The following CPT1A variants were observed in gnomAD, a reference collection of about 807,000 sequenced individuals.
The protein encoded by CPT1A is carnitine palmitoyltransferase 1A, also known as carnitine O-palmitoyltransferase 1, liver isoform.
CPT1A carries 64 observed loss-of-function variants against 100.8 expected under a neutral mutation model. The observed-to-expected ratio is 0.63, with a 90% CI of 0.52 to 0.78. CPT1A has a LOEUF of 0.78. CPT1A is among the 30% of genes least tolerant of loss of function. The probability of loss-of-function intolerance (pLI) is 0.00; values close to 1 mark genes in which losing one functional copy is unlikely to be tolerated. For synonymous variants in CPT1A, 363 were observed against 396.0 expected (o/e 0.92, Z 0.99); for missense variants, 802 against 1,034.1 (o/e 0.78, Z 3.08).
intron 14 of CPT1A, among the ~76,000 whole-genome samples, chr11:68,770,394 T>G (rs1055908532): frequency 4.6e-5 from 7 of 152,222 alleles, no homozygotes; most frequent in African/African-American, 1.7e-4. Flanking sequence ...TTCCATCTCC[T>G]GAACAGACAT....
chr11:68,826,831 C>T (rs939332376), intron 1 of CPT1A, among the ~76,000 whole-genome samples: 4 of 152,130 alleles, frequency 2.6e-5, no homozygotes, highest in Non-Finnish European at 4.4e-5. Context: ...ATCGGGTCTG[C>T]GGCCTCACCA....
chr11:68,815,512 AC>A (rs771767414), intron 1 of CPT1A, 25 bp from the exon 2 acceptor site: 1 of 1,612,000 alleles, frequency 6.2e-7, no homozygotes, highest in South Asian at 1.1e-5. Context: ...AGAAAATGTA[AC>A]ACAGTGGAAC....
chr11:68,840,140 C>T (rs1376114746), intron 1 of CPT1A, among the ~76,000 whole-genome samples: 1 of 152,180 alleles, frequency 6.6e-6, no homozygotes, highest in African/African-American at 2.4e-5. Flanking sequence ...AAAACCAATC[C>T]AAAGAACCAG....
chr11:68,801,339 G>C (rs919772667), intron 5 of CPT1A, among the ~76,000 whole-genome samples: 2 of 152,078 alleles, frequency 1.3e-5, no homozygotes, highest in African/African-American at 4.8e-5. Flanking sequence ...GAAGAGGAGA[G>C]ATGGGGTGGG....
chr11:68,839,831 C>A (rs1426020341), intron 1 of CPT1A: 3 of 402,384 alleles, frequency 7.5e-6, no homozygotes, highest in Non-Finnish European at 1.0e-5. Context: ...GGTCCGGGGC[C>A]GGGGCCAAAC....
intron 4 of CPT1A, among the ~76,000 whole-genome samples, chr11:68,806,018 ATT>A (rs539379303): frequency 5.2e-4 from 72 of 139,074 alleles, no homozygotes; most frequent in Admixed American, 4.3e-4. Context: ...AAGCCCATAA[ATT>A]TTTTTTTTTT....
downstream of CPT1A, chr11:68,754,749 G>A (rs1252203892): frequency 3.9e-6 from 3 of 774,592 alleles, no homozygotes; most frequent in Non-Finnish European, 7.3e-6. Context: ...CCCAGCACAT[G>A]AACTTGGTGA....
chr11:68,785,440 A>G (rs946723704), intron 9 of CPT1A, among the ~76,000 whole-genome samples: 4 of 151,826 alleles, frequency 2.6e-5, no homozygotes, highest in African/African-American at 9.7e-5. Context: ...ATGCACCTCT[A>G]GTCCCAGCTA....
upstream of CPT1A, among the ~76,000 whole-genome samples, chr11:68,843,794 C>T (rs1857202385): frequency 6.6e-6 from 1 of 152,232 alleles, no homozygotes; most frequent in African/African-American, 2.4e-5. This position sits in a 1 kb window ranked among gnomAD's most constrained non-coding sequence, Gnocchi z 4.0. Flanking sequence ...GTTCCTGACG[C>T]GCGGCTGCAC....
intron 14 of CPT1A, among the ~76,000 whole-genome samples, chr11:68,764,220 G>T (rs749213783): frequency 6.6e-6 from 1 of 152,200 alleles, no homozygotes; most frequent in Non-Finnish European, 1.5e-5. Context: ...GAAGGGGCCC[G>T]GGGCCACCAG....
At chr11:68,836,752 A>G (rs1313046933) in intron 1 of CPT1A, among the ~76,000 whole-genome samples, 8 of 152,076 alleles carry the variant, frequency 5.3e-5, no homozygotes, top group Admixed American at 5.2e-4. Context: ...AGCCTGGGCA[A>G]CAGAGTGAGA....
intron 12 of CPT1A, among the ~76,000 whole-genome samples, chr11:68,778,225 C>T (rs1855193911): frequency 6.6e-6 from 1 of 152,134 alleles, no homozygotes; most frequent in Non-Finnish European, 1.5e-5. Flanking sequence ...AGCCCCTAAC[C>T]TAGTCTTGGG....
chr11:68,821,418 G>A (rs924766692), intron 1 of CPT1A, among the ~76,000 whole-genome samples: 2 of 152,202 alleles, frequency 1.3e-5, no homozygotes, highest in Non-Finnish European at 2.9e-5. Flanking sequence ...CTCCCAAAGT[G>A]CTGGGATTAC....
intron 13 of CPT1A, chr11:68,773,843 G>A (rs1284099270): frequency 6.5e-6 from 2 of 305,674 alleles, no homozygotes; most frequent in East Asian, 8.3e-5. Context: ...AGCGTTGGGC[G>A]AGTGGGCTGA....
intron 1 of CPT1A, among the ~76,000 whole-genome samples, chr11:68,829,325 C>T (rs555091508): frequency 4.6e-5 from 7 of 152,302 alleles, no homozygotes; most frequent in East Asian, 1.9e-4. Flanking sequence ...CCCCAGGGGC[C>T]GGCCTATCTG....
At chr11:68,844,194 C>T (rs570514268), upstream of CPT1A, 1 of 152,286 alleles carries the variant, frequency 6.6e-6, no homozygotes, top group Non-Finnish European at 1.5e-5. Flanking sequence ...CCCGCGCCGG[C>T]CTGCAACTGC....
chr11:68,837,690 C>T lies in CPT1A; in HGVS notation c.-14+4085G>A, dbSNP rs190190780. Among the ~76,000 whole-genome samples, 655 of 152,094 alleles carry T rather than the reference C, an allele frequency of 4.3e-3. 6 individuals carry two copies. The highest frequency in any genetic ancestry group is 6.0e-3 in the Non-Finnish European group (408 of 67,986). ...AATCCAGAGTGGAAAAAGGGTGCTT[C>T]GGGCAGGGCGAGGGGGCTTATGCCT... On this transcript the variant is annotated intron_variant, in intron 1 of 18. Coordinates refer to ENST00000265641, the MANE Select transcript of CPT1A (RefSeq NM_001876.4).
chr11:68,812,905 T>C (rs1034432705), intron 2 of CPT1A, among the ~76,000 whole-genome samples: 1 of 152,082 alleles, frequency 6.6e-6, no homozygotes, highest in Non-Finnish European at 1.5e-5. Context: ...CATGACGTCC[T>C]GTCCCCAGCC....
rs528767161 is a variant in CPT1A at position 68,834,641 on chromosome 11, C to A, written c.-14+7134G>T. Among the ~76,000 whole-genome samples, 4 of 151,998 alleles carry A rather than the reference C, an allele frequency of 2.6e-5. No homozygotes were observed. The South Asian group carries it at 8.3e-4, about 31-fold the overall frequency. Reference sequence around the variant, plus strand: ...GGGTAGTGCATGCCTGTGGTCCCAGCTACTTGCGAGTATCACTCGAGCCCA... The same window carrying A: ...GGGTAGTGCATGCCTGTGGTCCCAGATACTTGCGAGTATCACTCGAGCCCA... On this transcript the variant is annotated intron_variant, in intron 1 of 18. Transcript: ENST00000265641.
Sources: gnomAD v4.1 joint callset for allele counts (sites outside exome capture counted in the v4.1 genomes callset) on GRCh38, gnomAD v4.1.1 for gene constraint, Gnocchi (gnomAD v3.1) non-coding constraint, MANE v1.5 for transcripts, NCBI Gene and HGNC (gene_info 2026-07-23, HGNC 2026-07-21) for gene names.